Variants in SMAP2 observed in about 807,000 individuals in gnomAD.
The protein encoded by SMAP2 is small ArfGAP2.
Under a neutral mutation model 56.4 loss-of-function variants are expected in SMAP2, and 25 were observed. That is an observed-to-expected ratio of 0.44 (90% CI 0.32 to 0.62). The LOEUF (loss-of-function observed/expected upper bound fraction) is 0.62, where lower values mean the gene tolerates loss of function less well. Among genes scored for constraint, SMAP2 ranks in the 20% least tolerant of loss-of-function variants. SMAP2 has a pLI of 0.04. For synonymous variants in SMAP2, 157 were observed against 181.7 expected (o/e 0.86, Z 1.09); for missense variants, 388 against 545.6 (o/e 0.71, Z 2.88).
chr1:40,408,186 G>A lies in SMAP2; in HGVS notation c.238-467G>A, dbSNP rs756447970. On this transcript the variant is annotated intron_variant, in intron 2 of 9. Transcript: ENST00000372718. This position sits in a 1 kb window ranked among gnomAD's most constrained non-coding sequence, Gnocchi z 4.3. Reference sequence around the variant, plus strand: ...AAATTATATGCCATGGAGATAGTCGGGAATTTGGAGATTTAAAAAGCTCTT... The same window carrying A: ...AAATTATATGCCATGGAGATAGTCGAGAATTTGGAGATTTAAAAAGCTCTT... Among the ~76,000 whole-genome samples the A allele has an allele frequency of 3.3e-5, 5 of 152,168 alleles. No homozygotes were observed. The highest frequency in any genetic ancestry group is 5.9e-5 in the Non-Finnish European group (4 of 68,042).
At chr1:40,379,607 T>G (rs1256774001) in intron 1 of SMAP2, among the ~76,000 whole-genome samples, 1 of 141,236 alleles carries the variant, frequency 7.1e-6, no homozygotes, top group Non-Finnish European at 1.5e-5. Flanking sequence ...TGTACAGTGG[T>G]GCAGTCTTGG....
At chr1:40,370,856 T>TAA (rs57519270), upstream of SMAP2, among the ~76,000 whole-genome samples, 8 of 132,506 alleles carry the variant, frequency 6.0e-5, no homozygotes, top group African/African-American at 2.1e-4. Context: ...TAAAGTATAA[T>TAA]AAAAAAAAAA....
intron 1 of SMAP2, among the ~76,000 whole-genome samples, chr1:40,353,353 G>C (rs1213222515): frequency 6.6e-6 from 1 of 152,132 alleles, no homozygotes; most frequent in Admixed American, 6.5e-5. Context: ...ATGTGCACCA[G>C]AATAGTCACC....
intron 1 of SMAP2, among the ~76,000 whole-genome samples, chr1:40,348,658 C>T (rs970449777): frequency 1.3e-5 from 2 of 151,768 alleles, no homozygotes; most frequent in South Asian, 4.2e-4. Flanking sequence ...GCCTGGGTGA[C>T]AGAGGGAGAC....
intron 9 of SMAP2, 120 bp from the exon 10 acceptor site, chr1:40,421,856 A>G (rs1645046473): frequency 1.7e-6 from 2 of 1,161,994 alleles, no homozygotes. Context: ...TGTCCATAAC[A>G]GAGTTTCCCT....
chr1:40,418,070 G>T, intron 9 of SMAP2, among the ~76,000 whole-genome samples: 1 of 152,098 alleles, frequency 6.6e-6, no homozygotes, highest in Non-Finnish European at 1.5e-5. Context: ...TGAAGCAGAA[G>T]AAAATTGTTA....
intron 5 of SMAP2, among the ~76,000 whole-genome samples, chr1:40,413,796 G>GTTGGCTC (rs1459752407): frequency 6.6e-6 from 1 of 152,252 alleles, no homozygotes; most frequent in African/African-American, 2.4e-5. Context: ...TGGGAGATTT[G>GTTGGCTC]TTGGCTCTTG....
chr1:40,373,020 C>T (rs183766518), upstream of SMAP2, among the ~76,000 whole-genome samples: 1 of 152,266 alleles, frequency 6.6e-6, no homozygotes, highest in Admixed American at 6.5e-5. Flanking sequence ...AAGGAGTTGC[C>T]TGTTGTGTGC....
chr1:40,377,716 A>G (rs928265473), intron 1 of SMAP2, among the ~76,000 whole-genome samples: 2 of 152,156 alleles, frequency 1.3e-5, no homozygotes, highest in Non-Finnish European at 2.9e-5. Flanking sequence ...TACTGGTCCA[A>G]GTTTTAACTT....
In SMAP2 at chr1:40,416,321, C is replaced by A. The variant is rs202167503; in HGVS notation, c.827C>A (p.Thr276Lys). ...DSILSLYGSQ[T>K]PQMPTQAMFM... ...ATTCTTTCACTGTATGGATCCCAGA[C>A]GCCTCAAATGCCTACTCAAGGTAGA... The change falls in exon 8 of 10, where the codon ACG (threonine) becomes AAG (lysine). Residue 276 changes from threonine to lysine, a missense_variant. Transcript: ENST00000372718. The A allele has an allele frequency of 6.2e-7, 1 of 1,613,848 alleles. No homozygotes were observed. Among genetic ancestry groups the A allele is most frequent in the Admixed American group, 1.7e-5 (1 of 59,968 alleles).
chr1:40,413,969 G>A (rs1644962056), intron 5 of SMAP2, 190 bp from the exon 6 acceptor site: 1 of 565,190 alleles, frequency 1.8e-6, no homozygotes, highest in Admixed American at 3.1e-5. Flanking sequence ...TTTCATTTTA[G>A]GTTTGGTTTA....
chr1:40,362,976 A>G (rs572870361), intron 2 of SMAP2, among the ~76,000 whole-genome samples: 3 of 152,150 alleles, frequency 2.0e-5, no homozygotes, highest in Non-Finnish European at 4.4e-5. Context: ...AGAACTCACT[A>G]AGAGGAAATT....
chr1:40,374,258 C>G lies in SMAP2; in HGVS notation c.103+35C>G, dbSNP rs1467249892. The G allele has an allele frequency of 6.4e-7, 1 of 1,564,000 alleles. No individual in the cohort carries two copies. Among genetic ancestry groups the G allele is most frequent in the African/African-American group, 1.4e-5 (1 of 74,060 alleles). The stretch of plus-strand genomic sequence containing the variant: ...CCCACCTGGCGGGCCAGGGGTCCAG[C>G]CGCGCCGGGGTGGTGGGGGTGGGCT... On this transcript the variant is annotated intron_variant, in intron 1 of 9. Transcript: ENST00000372718. This position sits in a 1 kb window ranked among gnomAD's most constrained non-coding sequence, Gnocchi z 5.9.
intron 1 of SMAP2, among the ~76,000 whole-genome samples, chr1:40,405,722 A>G (rs1308847963): frequency 6.6e-6 from 1 of 152,172 alleles, no homozygotes; most frequent in Non-Finnish European, 1.5e-5. Flanking sequence ...CTGATTTTTT[A>G]GTAAGTTTTT....
Position 40,383,890 on chromosome 1 carries a change from CT to C in SMAP2, c.103+9677del, listed in dbSNP as rs144344953. Among the ~76,000 whole-genome samples, 324 of 149,952 alleles carry C rather than the reference CT, an allele frequency of 2.2e-3. 1 individual carries two copies. The highest frequency in any genetic ancestry group is 7.4e-3 in the African/African-American group (304 of 40,884). ...GCGTTAAAACATGGTACAGCTCACT[CT>C]TTTTTTTTTCTTTCGTTTTTCTGGA... is the stretch of plus-strand genomic sequence containing the variant. On this transcript the variant is annotated intron_variant, in intron 1 of 9. Transcript: ENST00000372718.
chr1:40,389,669 A>C lies in SMAP2; in HGVS notation c.103+15446A>C, dbSNP rs562560025. Among the ~76,000 whole-genome samples the C allele has an allele frequency of 2.0e-5, 3 of 152,274 alleles. No homozygotes were observed. The East Asian group carries it at 5.8e-4, about 29-fold the overall frequency. Reference sequence around the variant, plus strand: ...GCGAATCCTCTGCCCTCTCAGTAGGAGGTTTTGGTGTGACACATCATCCTG... The same window carrying C: ...GCGAATCCTCTGCCCTCTCAGTAGGCGGTTTTGGTGTGACACATCATCCTG... On this transcript the variant is annotated intron_variant, in intron 1 of 9. Coordinates refer to ENST00000372718, the MANE Select transcript of SMAP2 (RefSeq NM_022733.3).
rs1198236285 is a variant in SMAP2, at chr1:40,423,284, C to T, written c.*1183C>T. 1 of 152,664 alleles carries T rather than the reference C, an allele frequency of 6.6e-6. No individual in the cohort carries two copies. Among genetic ancestry groups the T allele is most frequent in the Non-Finnish European group, 1.5e-5 (1 of 68,058 alleles). 9.5% of individuals were successfully genotyped at this position (152,664 alleles called of 1,614,324 possible). A position where few individuals can be genotyped will look rare whatever the true frequency, so the allele number is the denominator to read the frequency against. ...ACCACAGTTCCTGGCTGCCTTTCTC[C>T]TGTGTATGTGTAAATTCCTTAATAA... is the stretch of plus-strand genomic sequence containing the variant. On this transcript the variant is annotated 3_prime_UTR_variant, in exon 10 of 10. Transcript: ENST00000372718.
intron 3 of SMAP2, among the ~76,000 whole-genome samples, chr1:40,409,512 A>C (rs1292385512): frequency 6.6e-6 from 1 of 152,234 alleles, no homozygotes; most frequent in Non-Finnish European, 1.5e-5. Flanking sequence ...TTTGAAGGTT[A>C]ATTCCACTTG....
At chr1:40,347,650 G>A (rs767266414) in intron 1 of SMAP2, among the ~76,000 whole-genome samples, 1 of 152,128 alleles carries the variant, frequency 6.6e-6, no homozygotes, top group Non-Finnish European at 1.5e-5. Flanking sequence ...TTACAGGCAT[G>A]AGCCACTGTA....
Sources: allele counts gnomAD v4.1 joint callset (sites outside exome capture counted in the v4.1 genomes callset), GRCh38; gene constraint gnomAD v4.1.1; non-coding constraint Gnocchi (gnomAD v3.1); transcripts MANE v1.5; gene names NCBI Gene and HGNC (gene_info 2026-07-23, HGNC 2026-07-21).